Variants in GRM7 observed in about 807,000 individuals in gnomAD.
GRM7 encodes the protein glutamate metabotropic receptor 7, also known as metabotropic glutamate receptor 7.
In GRM7, 35 loss-of-function variants were observed where a neutral mutation model predicts 84.5. The observed-to-expected ratio is 0.41, with a 90% CI of 0.32 to 0.55. The LOEUF (loss-of-function observed/expected upper bound fraction) is 0.55. Among genes scored for constraint, GRM7 ranks in the 20% least tolerant of loss-of-function variants. The pLI is 0.19. For synonymous variants in GRM7, 487 were observed against 455.1 expected, an observed-to-expected ratio of 1.07 and a Z score of -0.89; for missense variants, 1,003 against 1,194.6, an observed-to-expected ratio of 0.84 and a Z score of 2.36.
intron 4 of GRM7, among the ~76,000 whole-genome samples, chr3:7,404,518 T>A (rs780922181): frequency 1.3e-5 from 2 of 152,194 alleles, no homozygotes; most frequent in Non-Finnish European, 2.9e-5. Flanking sequence ...GAAATTCTGG[T>A]GGATGACTGA....
At position 6,928,588 on chromosome 3, in the gene GRM7, AG is replaced by A. The variant is rs1697391791; in HGVS notation, c.519+66686del. Among the ~76,000 whole-genome samples, 1 of 152,306 alleles carries A rather than the reference AG, an allele frequency of 6.6e-6. No homozygotes were observed. Among genetic ancestry groups the A allele is most frequent in the African/African-American group, 2.4e-5 (1 of 41,578 alleles). On this transcript the variant is annotated intron_variant, in intron 1 of 9. Coordinates refer to ENST00000357716, the MANE Select transcript of GRM7 (RefSeq NM_000844.4). This position sits in a 1 kb window ranked among gnomAD's most constrained non-coding sequence, Gnocchi z 4.5. ...TGTTTGTAATTAATAACATTTAGAT[AG>A]GGGGAAAATAAGTTTTTCTCAACTT...
intron 1 of GRM7, among the ~76,000 whole-genome samples, chr3:6,918,314 G>A (rs1342832149): frequency 1.3e-5 from 2 of 152,136 alleles, no homozygotes; most frequent in African/African-American, 2.4e-5. Context: ...TTTGCCTATC[G>A]CCTTGTAGGA....
chr3:6,956,301 AT>A (rs1342224363), intron 1 of GRM7, among the ~76,000 whole-genome samples: 1 of 152,156 alleles, frequency 6.6e-6, no homozygotes, highest in African/African-American at 2.4e-5. Context: ...TACAAATAAT[AT>A]TCTACTATGG....
At chr3:6,972,005 CTT>C (rs144481040) in intron 1 of GRM7, among the ~76,000 whole-genome samples, 1 of 152,068 alleles carries the variant, frequency 6.6e-6, no homozygotes, top group African/African-American at 2.4e-5. Context: ...GCATTTTACT[CTT>C]TATAATGTAT....
chr3:7,685,787 TTAAAAAAAAAAAAA>T (rs995174744), intron 9 of GRM7, among the ~76,000 whole-genome samples: 5 of 150,768 alleles, frequency 3.3e-5, no homozygotes, highest in African/African-American at 1.2e-4. Context: ...GGTATGTTAT[TTAAAAAAAAAAAAA>T]GAAAGAAAAA....
chr3:7,106,274 C>CTT (rs5846487), intron 1 of GRM7, among the ~76,000 whole-genome samples: 3 of 149,118 alleles, frequency 2.0e-5, no homozygotes, highest in African/African-American at 7.3e-5. Context: ...ATTCATTTTT[C>CTT]TTTTTTTTTT....
chr3:6,871,392 G>C (rs1053241366), intron 1 of GRM7, among the ~76,000 whole-genome samples: 1 of 151,930 alleles, frequency 6.6e-6, no homozygotes. Flanking sequence ...TGTCATCACT[G>C]ATACGCATGA....
intron 2 of GRM7, among the ~76,000 whole-genome samples, chr3:7,217,387 A>G (rs982248680): frequency 3.3e-5 from 5 of 152,094 alleles, no homozygotes; most frequent in African/African-American, 9.7e-5. Flanking sequence ...ATTACCTACA[A>G]CTGATTTTCC....
chr3:6,935,413 T>C (rs1697652488), intron 1 of GRM7, among the ~76,000 whole-genome samples: 1 of 151,612 alleles, frequency 6.6e-6, no homozygotes, highest in African/African-American at 2.4e-5. Context: ...ATGGCAAAGC[T>C]CAAAGAATAA....
At chr3:7,234,369 T>C (rs1313306341) in intron 2 of GRM7, among the ~76,000 whole-genome samples, 2 of 152,194 alleles carry the variant, frequency 1.3e-5, no homozygotes, top group Admixed American at 1.3e-4. Context: ...TTTCCATTTA[T>C]TTCTACTAAC....
chr3:7,246,426 T>C (rs1010766254), intron 2 of GRM7, among the ~76,000 whole-genome samples: 1 of 152,176 alleles, frequency 6.6e-6, no homozygotes, highest in Non-Finnish European at 1.5e-5. Flanking sequence ...GATTGGCTCC[T>C]GTGTGCATAG....
intron 7 of GRM7, among the ~76,000 whole-genome samples, chr3:7,553,892 G>A (rs1408000725): frequency 6.6e-6 from 1 of 152,118 alleles, no homozygotes; most frequent in Non-Finnish European, 1.5e-5. Context: ...TTCATTTATT[G>A]TATCTTCTTG....
At chr3:6,913,475 A>C (rs1438202272) in intron 1 of GRM7, among the ~76,000 whole-genome samples, 2 of 152,204 alleles carry the variant, frequency 1.3e-5, no homozygotes, top group Non-Finnish European at 2.9e-5. Context: ...CTTGGATGAC[A>C]AGAAATCCGT....
chr3:6,864,217 G>A (rs1411686997), intron 1 of GRM7, among the ~76,000 whole-genome samples: 3 of 152,186 alleles, frequency 2.0e-5, no homozygotes, highest in Admixed American at 6.5e-5. Context: ...CTGCGTTTAT[G>A]GAGAAGAGGC....
chr3:7,707,980 C>CT (rs1012903727), intron 9 of GRM7, among the ~76,000 whole-genome samples: 4 of 135,012 alleles, frequency 3.0e-5, no homozygotes, highest in South Asian at 2.3e-4. Context: ...TAAAGCAAGC[C>CT]TTTTTTTAAC....
intron 8 of GRM7, among the ~76,000 whole-genome samples, chr3:7,617,402 T>G (rs1347218327): frequency 6.6e-6 from 1 of 152,118 alleles, no homozygotes; most frequent in Non-Finnish European, 1.5e-5. Context: ...CAACCCATAC[T>G]TCATGTCTTG....
chr3:7,503,435 T>A (rs79085887), intron 7 of GRM7, among the ~76,000 whole-genome samples: 13,141 of 152,140 alleles, frequency 0.086, 737 homozygotes, highest in South Asian at 0.12. Context: ...GTCCTCCTTA[T>A]GTATCACATC....
intron 1 of GRM7, among the ~76,000 whole-genome samples, chr3:6,955,835 C>T: frequency 1.0e-5 from 1 of 99,718 alleles, no homozygotes; most frequent in Non-Finnish European, 2.0e-5. Flanking sequence ...CAGTGAGACT[C>T]TATCTCAAAA....
chr3:7,083,724 T>C (rs762756081), intron 1 of GRM7, among the ~76,000 whole-genome samples: 22 of 152,130 alleles, frequency 1.4e-4, no homozygotes, highest in Non-Finnish European at 3.1e-4. Context: ...GATATTTTCA[T>C]AGGAGGACAC....
Sources: gnomAD v4.1 joint callset for allele counts (sites outside exome capture counted in the v4.1 genomes callset) on GRCh38, gnomAD v4.1.1 for gene constraint, Gnocchi (gnomAD v3.1) non-coding constraint, MANE v1.5 for transcripts, NCBI Gene and HGNC (gene_info 2026-07-23, HGNC 2026-07-21) for gene names.